SKI: variants seen among roughly 807,000 people sequenced by gnomAD.
SKI encodes the protein ski oncogene.
A neutral mutation model predicts 59.3 loss-of-function variants in SKI; 23 were observed. The observed-to-expected ratio is 0.39, with a 90% confidence interval of 0.28 to 0.55. The LOEUF is 0.55. Ranked by LOEUF, SKI falls within the 20% of genes least tolerant of loss-of-function variation. The pLI, the probability that SKI is intolerant of heterozygous loss-of-function variation, is 0.67. For synonymous variants in SKI, 673 were observed against 488.6 expected (o/e 1.38, Z -4.98); for missense variants, 1,017 against 1,038.9 (o/e 0.98, Z 0.29).
rs1639551363 is a variant in SKI, at chr1:2,268,752, A to T, written c.970-34226A>T. Among the ~76,000 whole-genome samples, 1 of 152,180 alleles carries T rather than the reference A, an allele frequency of 6.6e-6. No individual in the cohort carries two copies. The highest frequency in any genetic ancestry group is 2.4e-5 in the African/African-American group (1 of 41,446). On this transcript the variant is annotated intron_variant, in intron 1 of 6. Transcript: ENST00000378536. The surrounding 1 kb of genome is among the most constrained non-coding windows in gnomAD (Gnocchi z 5.0). ...AGGTGCAGTCCAGGGAGAGGCCATG[A>T]CAGGAGTGGGTGTGGGGACTGGTGG... is the stretch of plus-strand genomic sequence containing the variant.
At chr1:2,250,396 C>T (rs985937030) in intron 1 of SKI, among the ~76,000 whole-genome samples, 2 of 152,204 alleles carry the variant, frequency 1.3e-5, no homozygotes, top group Non-Finnish European at 2.9e-5. Context: ...ATGCCACTGT[C>T]CATGGCTGAT....
chr1:2,296,693 G>C (rs945189349), intron 1 of SKI, among the ~76,000 whole-genome samples: 2 of 152,018 alleles, frequency 1.3e-5, no homozygotes, highest in Non-Finnish European at 2.9e-5. Context: ...TCCCTTTCTC[G>C]ATGGTGTCCT....
chr1:2,243,436 T>C (rs912295279), intron 1 of SKI, among the ~76,000 whole-genome samples: 13 of 152,244 alleles, frequency 8.5e-5, no homozygotes, highest in Admixed American at 2.6e-4. Flanking sequence ...CAGGAGCTCC[T>C]GTCAGGCTGC....
Position 2,266,713 on chromosome 1 carries a change from G to A in SKI, c.970-36265G>A, listed in dbSNP as rs368188754. 7.9e-5 allele frequency among the ~76,000 whole-genome samples: 12 copies of A among 152,304 alleles called. No individual in the cohort carries two copies. In the East Asian group the frequency reaches 2.1e-3, roughly 27 times the overall value. On this transcript the variant is annotated intron_variant, in intron 1 of 6. Transcript: ENST00000378536. ...CATCGCAGTCCATGAGTGACCTCCA[G>A]CTTCTCTCATCAGCCACCCCGTTCA...
At position 2,274,602 on chromosome 1, in the gene SKI, C is replaced by T. The variant is rs74475014; in HGVS notation, c.970-28376C>T. On this transcript the variant is annotated intron_variant, in intron 1 of 6. Transcript: ENST00000378536. The stretch of plus-strand genomic sequence containing the variant: ...GCAGGAAGTCCCAGCGGCACCTGGC[C>T]ACGTCCCTCTAACATGTTTCTGGAA... Among the ~76,000 whole-genome samples the T allele has an allele frequency of 1.6e-3, 241 of 152,386 alleles. 3 individuals are homozygous for T. In the East Asian group the frequency reaches 0.036, roughly 23 times the overall value.
chr1:2,304,096 G>C lies in SKI; in HGVS notation c.1468G>C (p.Glu490Gln). Residue 490 changes from glutamate (E) to glutamine (Q), a missense_variant, in exon 4 of 7, where the codon GAG becomes CAG. Glu to Gln is a conservative substitution (Grantham distance 29). Coordinates refer to ENST00000378536, the MANE Select transcript of SKI (RefSeq NM_003036.4). ...GGCGGAGGTGGAAGTTGAAAGCAGG[G>C]AGGAATGTACGTGTGAGTCGCTTTC... ...SEAEVEVESREEFTSSLSSLS... is the reference protein window; with the variant it reads ...SEAEVEVESRQEFTSSLSSLS... 1 of 1,612,580 alleles carries C rather than the reference G, an allele frequency of 6.2e-7. No homozygotes were observed. The highest frequency in any genetic ancestry group is 8.5e-7 in the Non-Finnish European group (1 of 1,179,900).
In SKI at chr1:2,306,615, G is replaced by A. The variant is rs1189329416; in HGVS notation, c.2037G>A (p.Ala679=). 1 of 1,544,898 alleles carries A rather than the reference G, an allele frequency of 6.5e-7. No homozygotes were observed. The highest frequency in any genetic ancestry group is 8.7e-7 in the Non-Finnish European group (1 of 1,145,616). ...AGGTGAAGCTGCAGCACGCGGAGGC[G>A]GACCGGGAGCAGCTGCGGGCCGACC... is the stretch of plus-strand genomic sequence containing the variant. ...DLQVKLQHAE[A]DREQLRADLL... The change falls in exon 7 of 7, where the codon GCG becomes GCA. Residue 679 remains alanine (A), a synonymous_variant. Coordinates refer to ENST00000378536, the MANE Select transcript of SKI (RefSeq NM_003036.4).
chr1:2,271,783 C>G (rs532399860), intron 1 of SKI, among the ~76,000 whole-genome samples: 3 of 152,132 alleles, frequency 2.0e-5, no homozygotes, highest in Admixed American at 6.5e-5. Context: ...AGGCCTCCCC[C>G]CAACCTCACG....
Position 2,304,698 on chromosome 1 carries a change from CCT to C in SKI, c.1767+118_1767+119del. Reference sequence around the variant, plus strand: ...TCCCTTCCTGGCTGCCCCATGCGCTCCTCTCTGCCTCCACCTCAGTGGGCCTG... The same window carrying C: ...TCCCTTCCTGGCTGCCCCATGCGCTCCTCTGCCTCCACCTCAGTGGGCCTG... On this transcript the variant is annotated intron_variant, in intron 5 of 6. Coordinates refer to ENST00000378536, the MANE Select transcript of SKI (RefSeq NM_003036.4). 2.1e-6 allele frequency: 3 copies of C among 1,433,296 alleles called. No homozygotes were observed. In the South Asian group the frequency reaches 4.4e-5, roughly 21 times the overall value. The allele number at this position is 1,433,296 out of a possible 1,614,324, so 88.8% of individuals were successfully genotyped here.
intron 1 of SKI, among the ~76,000 whole-genome samples, chr1:2,252,736 T>A (rs950754631): frequency 6.6e-6 from 1 of 152,048 alleles, no homozygotes; most frequent in Non-Finnish European, 1.5e-5. Flanking sequence ...GGTGCTCAGC[T>A]CTTCTGGAAG....
chr1:2,281,130 C>T (rs1486796992), intron 1 of SKI, among the ~76,000 whole-genome samples: 1 of 84,172 alleles, frequency 1.2e-5, no homozygotes, highest in Non-Finnish European at 2.4e-5. Context: ...AGAGGATGCC[C>T]GAGAAGACAG....
At chr1:2,238,032 G>C (rs1228103139) in intron 1 of SKI, among the ~76,000 whole-genome samples, 1 of 152,232 alleles carries the variant, frequency 6.6e-6, no homozygotes, top group African/African-American at 2.4e-5. Flanking sequence ...CTCTGTGCCA[G>C]GCGCTGGGCT....
chr1:2,290,149 T>G (rs1640130142), intron 1 of SKI, among the ~76,000 whole-genome samples: 1 of 150,632 alleles, frequency 6.6e-6, no homozygotes, highest in Non-Finnish European at 1.5e-5. Flanking sequence ...AGGGGTGGAG[T>G]CCTTGGTCTT....
At chr1:2,293,503 G>A (rs1054658084) in intron 1 of SKI, among the ~76,000 whole-genome samples, 12 of 151,386 alleles carry the variant, frequency 7.9e-5, no homozygotes, top group African/African-American at 2.7e-4. Context: ...CCTTTTCTGC[G>A]TGTCTGTCCC....
At chr1:2,245,541 C>T (rs1382555293) in intron 1 of SKI, among the ~76,000 whole-genome samples, 4 of 152,292 alleles carry the variant, frequency 2.6e-5, no homozygotes, top group Middle Eastern at 6.8e-3. Context: ...GGCACGATCT[C>T]GGCTCACTGC....
chr1:2,234,520 G>A (rs1191702760), intron 1 of SKI, among the ~76,000 whole-genome samples: 2 of 152,178 alleles, frequency 1.3e-5, no homozygotes, highest in Non-Finnish European at 2.9e-5. Flanking sequence ...GGGTAAGTGT[G>A]AGCCGAACCC....
chr1:2,304,092 C>T lies in SKI; in HGVS notation c.1464C>T (p.Ser488=), dbSNP rs1640501058. 1 of 1,612,520 alleles carries T rather than the reference C, an allele frequency of 6.2e-7. No homozygotes were observed. Among genetic ancestry groups the T allele is most frequent in the South Asian group, 1.1e-5 (1 of 91,054 alleles). The stretch of plus-strand genomic sequence containing the variant: ...CGGAGGCGGAGGTGGAAGTTGAAAG[C>T]AGGGAGGAATGTACGTGTGAGTCGC... ...KDSEAEVEVE[S]REEFTSSLSS... is the part of the protein sequence containing the mutation. Residue 488 remains serine, a synonymous_variant, in exon 4 of 7, where the codon AGC becomes AGT. Transcript: ENST00000378536.
At chr1:2,257,815 T>C (rs533267253) in intron 1 of SKI, among the ~76,000 whole-genome samples, 147 of 152,330 alleles carry the variant, frequency 9.7e-4, no homozygotes, top group African/African-American at 3.4e-3. Flanking sequence ...CTGGGCTCAC[T>C]GCAGCCTCCG....
At chr1:2,230,868 C>T (rs1394643345) in intron 1 of SKI, among the ~76,000 whole-genome samples, 2 of 152,124 alleles carry the variant, frequency 1.3e-5, no homozygotes, top group African/African-American at 2.4e-5. Context: ...TTTCTCTGGG[C>T]GCCCCTCCAG....
Sources: allele counts gnomAD v4.1 joint callset (sites outside exome capture counted in the v4.1 genomes callset), GRCh38; gene constraint gnomAD v4.1.1; non-coding constraint Gnocchi (gnomAD v3.1); transcripts MANE v1.5; gene names NCBI Gene and HGNC (gene_info 2026-07-23, HGNC 2026-07-21).